SLC22A16: variants seen among roughly 807,000 people sequenced by gnomAD.
The protein encoded by SLC22A16 is WUGSC:RG331P03.1.
In SLC22A16, 53 loss-of-function variants were observed where a neutral mutation model predicts 52.9. That is an observed-to-expected ratio of 1.00 (90% CI 0.80 to 1.26). The LOEUF is 1.26. Among genes scored for constraint, SLC22A16 ranks in the 50% most tolerant of loss-of-function variants. SLC22A16 has a pLI of 0.00. For missense variants in SLC22A16, 726 were observed against 704.0 expected, an observed-to-expected ratio of 1.03 and a Z score of -0.35; for synonymous variants, 291 against 268.8, an observed-to-expected ratio of 1.08 and a Z score of -0.81.
chr6:110,430,044 G>A (rs1053468276), intron 7 of SLC22A16, among the ~76,000 whole-genome samples: 1 of 151,998 alleles, frequency 6.6e-6, no homozygotes, highest in African/African-American at 2.4e-5. Flanking sequence ...AGCTGAGTTT[G>A]GACTTTTATT....
intron 2 of SLC22A16, among the ~76,000 whole-genome samples, chr6:110,447,747 G>A (rs1353405429): frequency 1.3e-5 from 2 of 152,136 alleles, no homozygotes; most frequent in Non-Finnish European, 2.9e-5. Flanking sequence ...TCCCATAAAT[G>A]GAGTCAAACA....
At chr6:110,467,909 T>C (rs1319324106) in intron 1 of SLC22A16, among the ~76,000 whole-genome samples, 1 of 152,246 alleles carries the variant, frequency 6.6e-6, no homozygotes, top group African/African-American at 2.4e-5. Context: ...CACACCCCAC[T>C]TTGGAGACTA....
At chr6:110,476,240 G>T in intron 1 of SLC22A16, 2 of 876,208 alleles carry the variant, frequency 2.3e-6, no homozygotes, top group Non-Finnish European at 3.2e-6. Context: ...AGCATCTGCT[G>T]CCGCGGAGAG....
chr6:110,453,381 G>A (rs1407054772), intron 2 of SLC22A16, among the ~76,000 whole-genome samples: 2 of 152,080 alleles, frequency 1.3e-5, no homozygotes, highest in African/African-American at 2.4e-5. Context: ...AATAATTTAT[G>A]AGAATCCTCT....
rs1027963238 is a variant in SLC22A16 at position 110,445,739 on chromosome 6, T to A, written c.651+1134A>T. ...TCTTAAGTCTTCCAAAAGATGATGTTTATACTTTCTTAGTACCTGTGCCTT... is the reference window on the plus strand; with the variant it reads ...TCTTAAGTCTTCCAAAAGATGATGTATATACTTTCTTAGTACCTGTGCCTT... On this transcript the variant is annotated intron_variant, in intron 3 of 7. Coordinates refer to ENST00000368919, the MANE Select transcript of SLC22A16 (RefSeq NM_033125.4). Among the ~76,000 whole-genome samples the A allele has an allele frequency of 4.6e-5, 7 of 152,180 alleles. No homozygotes were observed. The East Asian group carries it at 1.3e-3, about 29-fold the overall frequency.
Position 110,462,636 on chromosome 6 carries a change from G to A in SLC22A16, c.54-5619C>T, listed in dbSNP as rs146381289. Among the ~76,000 whole-genome samples, 598 of 152,204 alleles carry A rather than the reference G, an allele frequency of 3.9e-3. 6 individuals are homozygous for A. The highest frequency in any genetic ancestry group is 0.014 in the African/African-American group (581 of 41,524). On this transcript the variant is annotated intron_variant, in intron 1 of 7. Coordinates refer to ENST00000368919, the MANE Select transcript of SLC22A16 (RefSeq NM_033125.4). ...TTTGAGAAATATGCAATTATGTAAA[G>A]GGACCAAATGTATGACTTATATGTA...
intron 6 of SLC22A16, among the ~76,000 whole-genome samples, chr6:110,431,516 C>T (rs898155377): frequency 1.3e-5 from 2 of 152,160 alleles, no homozygotes; most frequent in Non-Finnish European, 2.9e-5. Context: ...CGACTGCCTG[C>T]AGTATTCAGT....
intron 7 of SLC22A16, 176 bp from the exon 8 acceptor site, chr6:110,425,261 C>A: frequency 4.0e-6 from 6 of 1,513,938 alleles, no homozygotes; most frequent in South Asian, 3.8e-5. Flanking sequence ...GAGTTCTTTT[C>A]CTCATCAACG....
chr6:110,453,498 G>A, intron 2 of SLC22A16: 1 of 393,618 alleles, frequency 2.5e-6, no homozygotes. Flanking sequence ...CAAGATGTTT[G>A]GGTCAGAGAC....
chr6:110,431,762 TA>T (rs1774516087), intron 6 of SLC22A16, among the ~76,000 whole-genome samples: 1 of 152,200 alleles, frequency 6.6e-6, no homozygotes, highest in Admixed American at 6.5e-5. Context: ...AGAATCACAA[TA>T]CCTACATTTT....
intron 2 of SLC22A16, chr6:110,455,560 G>A (rs1302279282): frequency 6.6e-6 from 1 of 152,070 alleles, no homozygotes; most frequent in Non-Finnish European, 1.5e-5. Context: ...GACCAAATAA[G>A]TTCATCTCTG....
intron 7 of SLC22A16, among the ~76,000 whole-genome samples, chr6:110,428,355 T>A (rs535468172): frequency 9.9e-5 from 15 of 152,162 alleles, no homozygotes; most frequent in African/African-American, 3.6e-4. Flanking sequence ...GCCAGAGCTG[T>A]CTTAGAGAAG....
At chr6:110,445,489 C>G (rs1775134982) in intron 3 of SLC22A16, among the ~76,000 whole-genome samples, 1 of 152,304 alleles carries the variant, frequency 6.6e-6, no homozygotes, top group South Asian at 2.1e-4. Flanking sequence ...GCATTACACT[C>G]TGTAGACAGA....
chr6:110,430,482 G>A (rs1774452885), intron 7 of SLC22A16, among the ~76,000 whole-genome samples: 1 of 152,080 alleles, frequency 6.6e-6, no homozygotes, highest in South Asian at 2.1e-4. Flanking sequence ...AGGAGGCACT[G>A]GAGGGGAGGG....
intron 6 of SLC22A16, among the ~76,000 whole-genome samples, chr6:110,434,942 C>T (rs559369200): frequency 1.3e-5 from 2 of 152,226 alleles, no homozygotes; most frequent in Non-Finnish European, 2.9e-5. Flanking sequence ...CACACCACTG[C>T]ACTCCAGCCT....
Position 110,442,262 on chromosome 6 carries a change from A to T in SLC22A16, c.1165T>A (p.Leu389Ile). 6.2e-7 allele frequency: 1 copy of T among 1,614,056 alleles called. No homozygotes were observed. The change falls in exon 4 of 8, where the codon TTA becomes ATA. Residue 389 changes from leucine (L) to isoleucine (I), a missense_variant. Coordinates refer to ENST00000368919, the MANE Select transcript of SLC22A16 (RefSeq NM_033125.4). ...NSVNLGGNEY[L>I]NLFLLGVVEI... is the part of the protein sequence containing the mutation. ...TACTTACCCAGGAGGAAGAGGTTTA[A>T]GTATTCATTGCCTCCTAAGTTAACA...
At chr6:110,453,026 C>A (rs1166500526) in intron 2 of SLC22A16, among the ~76,000 whole-genome samples, 2 of 152,148 alleles carry the variant, frequency 1.3e-5, no homozygotes, top group Admixed American at 6.6e-5. Context: ...GAGTTATCAT[C>A]CATTTCATGA....
intron 1 of SLC22A16, among the ~76,000 whole-genome samples, chr6:110,459,382 G>A (rs1775783452): frequency 6.6e-6 from 1 of 152,160 alleles, no homozygotes; most frequent in Non-Finnish European, 1.5e-5. Context: ...ATGATCTGAT[G>A]AGAAGGGCAC....
chr6:110,457,623 C>G lies in SLC22A16; in HGVS notation c.54-606G>C, dbSNP rs181011613. ...AGTTTGTAGTAATTACTCTTTATTT[C>G]AATACTATAATAATCCTAGCTCTAC... On this transcript the variant is annotated intron_variant, in intron 1 of 7. Transcript: ENST00000368919. 5.3e-3 allele frequency among the ~76,000 whole-genome samples: 802 copies of G among 152,208 alleles called. 1 individual carries two copies. Among genetic ancestry groups the G allele is most frequent in the Middle Eastern group, 0.02 (6 of 294 alleles).
Sources: gnomAD v4.1 joint callset for allele counts (sites outside exome capture counted in the v4.1 genomes callset) on GRCh38, gnomAD v4.1.1 for gene constraint, MANE v1.5 for transcripts, NCBI Gene and HGNC (gene_info 2026-07-23, HGNC 2026-07-21) for gene names.